HECTD4: variants seen among roughly 807,000 people sequenced by gnomAD.
The protein encoded by HECTD4 is probable E3 ubiquitin-protein ligase HECTD4.
Under a neutral mutation model 471.5 loss-of-function variants are expected in HECTD4, and 114 were observed. The observed-to-expected ratio is 0.24, with a 90% CI of 0.21 to 0.28. The LOEUF is 0.28. Among genes scored for constraint, HECTD4 ranks in the 10% least tolerant of loss-of-function variants. The pLI is 1.00. For missense variants in HECTD4, 3,866 were observed against 5,651.5 expected (o/e 0.68, Z 10.13); for synonymous variants, 2,012 against 2,256.0 (o/e 0.89, Z 3.07).
At chr12:112,373,268 C>T (rs923747905) in intron 1 of HECTD4, among the ~76,000 whole-genome samples, 8 of 152,136 alleles carry the variant, frequency 5.3e-5, no homozygotes, top group Non-Finnish European at 7.4e-5. Context: ...TGGCCAGGCA[C>T]GGTGGCTGAC....
chr12:112,359,870 G>A (rs956829418), intron 1 of HECTD4, among the ~76,000 whole-genome samples: 2 of 151,996 alleles, frequency 1.3e-5, no homozygotes, highest in Non-Finnish European at 2.9e-5. Flanking sequence ...AAGCTACCAC[G>A]CCCAGCCTTA....
intron 27 of HECTD4, 32 bp from the exon 28 acceptor site, chr12:112,247,582 G>T (rs764428042): frequency 8.8e-7 from 1 of 1,137,872 alleles, no homozygotes; most frequent in Non-Finnish European, 1.2e-6. Flanking sequence ...TGCAGAATCT[G>T]CAAGAACCAA....
rs2032397196 is a variant in HECTD4 at position 112,200,696 on chromosome 12, G to A, written c.8509C>T (p.Arg2837Ter). The change falls in exon 55 of 76, where the codon CGA becomes TGA. Residue 2837 changes from arginine to a stop codon, truncating the protein, a stop_gained. Coordinates refer to ENST00000682272, the MANE Select transcript of HECTD4 (RefSeq NM_001388303.1). LOFTEE classifies it high-confidence loss of function. ...ACCAGCCCATTGGTGGCAGTCCTTC[G>A]GTAGCCTGCTGGGGGCCTTTCCAAC... The part of the protein sequence containing the change: ...DMLERPPAGY[R>*]RTATNGLVTL... 2 of 1,613,948 alleles carry A rather than the reference G, an allele frequency of 1.2e-6. No individual in the cohort carries two copies. The highest frequency in any genetic ancestry group is 1.1e-5 in the South Asian group (1 of 91,078).
At chr12:112,178,612 T>C (rs1036088324) in intron 64 of HECTD4, among the ~76,000 whole-genome samples, 1 of 152,144 alleles carries the variant, frequency 6.6e-6, no homozygotes, top group East Asian at 1.9e-4. Context: ...GGCTGATCGC[T>C]TGAGCCTAGG....
intron 10 of HECTD4, 109 bp from the exon 11 acceptor site, chr12:112,273,904 G>C (rs2034469872): frequency 7.9e-7 from 1 of 1,261,648 alleles, no homozygotes; most frequent in Admixed American, 1.9e-5. Context: ...CTCTAATGTT[G>C]ACAACCCACA....
In HECTD4 at chr12:112,184,365, T is replaced by C; in HGVS notation, c.10601A>G (p.Glu3534Gly). The stretch of plus-strand genomic sequence containing the variant: ...GCTGCACAGGGAAATGTCCAGGCTT[T>C]CCTGGCTGGACACCGCGTGGGGCTC... ...LLEPHAVSSQ[E>G]SLDISLCSTG... is the part of the protein sequence containing the mutation. The change falls in exon 61 of 76, where the codon GAA (glutamate) becomes GGA (glycine). Residue 3534 changes from glutamate to glycine, a missense_variant. By Grantham distance (98) the Glu-to-Gly change is moderately conservative. Transcript: ENST00000682272. The surrounding 1 kb of genome is among the most constrained non-coding windows in gnomAD (Gnocchi z 9.1). 9 of 1,612,218 alleles carry C rather than the reference T, an allele frequency of 5.6e-6. No individual in the cohort carries two copies. Among genetic ancestry groups the C allele is most frequent in the Non-Finnish European group, 7.6e-6 (9 of 1,179,620 alleles).
intron 1 of HECTD4, among the ~76,000 whole-genome samples, chr12:112,336,425 A>C (rs2035959915): frequency 6.6e-6 from 1 of 151,988 alleles, no homozygotes; most frequent in Admixed American, 6.6e-5. Flanking sequence ...CAGGAGGCTG[A>C]GGCAGGAGAA....
At chr12:112,277,095 G>A (rs554409953) in intron 9 of HECTD4, among the ~76,000 whole-genome samples, 1 of 152,216 alleles carries the variant, frequency 6.6e-6, no homozygotes, top group South Asian at 2.1e-4. Flanking sequence ...ATGTGCCCAA[G>A]AGTATGAAAA....
intron 48 of HECTD4, 109 bp downstream of exon 48, chr12:112,216,183 G>T: frequency 4.0e-6 from 3 of 741,202 alleles, no homozygotes; most frequent in South Asian, 3.3e-5. Flanking sequence ...TTTGCTAAAT[G>T]ACAAACTGCC....
At chr12:112,212,759 T>C (rs2032799843) in intron 48 of HECTD4, 109 bp from the exon 49 acceptor site, 7 of 767,090 alleles carry the variant, frequency 9.1e-6, no homozygotes, top group Non-Finnish European at 1.4e-5. Context: ...TATGCTCTCA[T>C]TTACTTCTGA....
chr12:112,288,085 T>TA (rs1349639734), intron 7 of HECTD4, among the ~76,000 whole-genome samples: 1 of 151,838 alleles, frequency 6.6e-6, no homozygotes, highest in Non-Finnish European at 1.5e-5. Flanking sequence ...TCCCAGCACT[T>TA]TGGGAGGCTG....
At chr12:112,230,919 T>C (rs1463113382) in intron 39 of HECTD4, 97 bp from the exon 40 acceptor site, 3 of 1,168,660 alleles carry the variant, frequency 2.6e-6, no homozygotes, top group Non-Finnish European at 3.5e-6. Context: ...AACCTTTTCT[T>C]TTTATACAAG....
At position 112,349,388 on chromosome 12, in the gene HECTD4, CAAAAAAAAAAA is replaced by C. The variant is rs60480485; in HGVS notation, c.178-29657_178-29647del. ...GGGCGACAGAGCAAGACTCTTGCTCCAAAAAAAAAAAAAAAAAAAAAAAGAAAGAAAAAGAA... is the reference window on the plus strand; with the variant it reads ...GGGCGACAGAGCAAGACTCTTGCTCCAAAAAAAAAAAAGAAAGAAAAAGAA... On this transcript the variant is annotated intron_variant, in intron 1 of 75. Coordinates refer to ENST00000682272, the MANE Select transcript of HECTD4 (RefSeq NM_001388303.1). 6.9e-4 allele frequency among the ~76,000 whole-genome samples: 38 copies of C among 54,718 alleles called. 1 individual carries two copies. Among genetic ancestry groups the C allele is most frequent in the Admixed American group, 3.9e-3 (17 of 4,318 alleles). 35.9% of individuals were successfully genotyped at this position (54,718 alleles called of 152,430 possible).
At chr12:112,210,499 C>G (rs1462163482) in intron 49 of HECTD4, among the ~76,000 whole-genome samples, 4 of 152,210 alleles carry the variant, frequency 2.6e-5, no homozygotes, top group Admixed American at 2.6e-4. Context: ...ACATTGACCT[C>G]TCTTGTTTCC....
chr12:112,219,668 T>C, intron 44 of HECTD4, 179 bp from the exon 45 acceptor site: 1 of 436,806 alleles, frequency 2.3e-6, no homozygotes, highest in East Asian at 3.9e-5. Context: ...GGCGCGGTCC[T>C]GGCTTACTGC....
In HECTD4 at chr12:112,208,515, A is replaced by G; in HGVS notation, c.7983T>C (p.Asp2661=). The G allele has an allele frequency of 6.3e-7, 1 of 1,598,602 alleles. No homozygotes were observed. ...PPIADDESDD[D]DDDDIPQEDH... ...TTACCTGAGGGATGTCATCATCGTC[A>G]TCATCATCGCTTTCATCATCTGCAA... The change falls in exon 51 of 76, where the codon GAT becomes GAC. Residue 2661 remains aspartate (D), a synonymous_variant. Coordinates refer to ENST00000682272, the MANE Select transcript of HECTD4 (RefSeq NM_001388303.1).
chr12:112,162,973 C>T lies in HECTD4; in HGVS notation c.13120+69G>A. The T allele has an allele frequency of 8.1e-7, 1 of 1,227,078 alleles. No homozygotes were observed. The allele number at this position is 1,227,078 out of a possible 1,614,324, so 76.0% of individuals were successfully genotyped here. A position where few individuals can be genotyped will look rare whatever the true frequency, so the allele number is the denominator to read the frequency against. ...TGTTCTCCCTTCACATGGGGCCTGGCAGCCCCAGTTCCAAACAGAGAAAGG... is the reference window on the plus strand; with the variant it reads ...TGTTCTCCCTTCACATGGGGCCTGGTAGCCCCAGTTCCAAACAGAGAAAGG... On this transcript the variant is annotated intron_variant, in intron 75 of 75. Transcript: ENST00000682272. This position sits in a 1 kb window ranked among gnomAD's most constrained non-coding sequence, Gnocchi z 5.2.
At chr12:112,217,366 A>G (rs113481932) in intron 45 of HECTD4, among the ~76,000 whole-genome samples, 171 bp from the exon 46 acceptor site, 44 of 151,282 alleles carry the variant, frequency 2.9e-4, no homozygotes, top group African/African-American at 1.1e-3. Context: ...CAATTTATTT[A>G]TTTAGAGACA....
rs761916668 is a variant in HECTD4 at position 112,204,491 on chromosome 12, C to T, written c.8264G>A (p.Arg2755Gln). ...EANKFTIDKV[R>Q]KGLTVVTRSP... is the part of the protein sequence containing the mutation. ...AGTAAGGAGGAAAGCAAAACCTTTTCGAACTTTATCAATTGTGAACTTGTT... is the reference window on the plus strand; with the variant it reads ...AGTAAGGAGGAAAGCAAAACCTTTTTGAACTTTATCAATTGTGAACTTGTT... Residue 2755 changes from arginine to glutamine, a missense_variant, in exon 53 of 76, where the codon CGA becomes CAA. Physicochemically the swap from Arg to Gln is conservative, Grantham distance 43. Transcript: ENST00000682272. 4 of 1,611,678 alleles carry T rather than the reference C, an allele frequency of 2.5e-6. No individual in the cohort carries two copies. Among genetic ancestry groups the T allele is most frequent in the African/African-American group, 1.3e-5 (1 of 74,924 alleles).
Sources: gnomAD v4.1 joint callset for allele counts (sites outside exome capture counted in the v4.1 genomes callset) on GRCh38, gnomAD v4.1.1 for gene constraint, Gnocchi (gnomAD v3.1) non-coding constraint, MANE v1.5 for transcripts, NCBI Gene and HGNC (gene_info 2026-07-23, HGNC 2026-07-21) for gene names.